Variants in ASIC2 observed in about 807,000 individuals in gnomAD.
ASIC2 encodes the protein acid-sensing ion channel 2.
Under a neutral mutation model 57.3 loss-of-function variants are expected in ASIC2, and 25 were observed. The observed-to-expected ratio is 0.44, with a 90% CI of 0.32 to 0.61. The LOEUF (loss-of-function observed/expected upper bound fraction) is 0.61. ASIC2 is among the 20% of genes least tolerant of loss of function. ASIC2 has a pLI of 0.06. For synonymous variants in ASIC2, 319 were observed against 307.5 expected (o/e 1.04, Z -0.39); for missense variants, 641 against 738.1 (o/e 0.87, Z 1.52).
chr17:33,536,956 G>A (rs978179577), intron 1 of ASIC2, among the ~76,000 whole-genome samples: 2 of 152,226 alleles, frequency 1.3e-5, no homozygotes, highest in East Asian at 1.9e-4. Context: ...AGGCTACAAT[G>A]AGCCATGATC....
chr17:33,291,743 T>C lies in ASIC2; in HGVS notation c.373A>G (p.Ser125Gly). Residue 125 changes from serine (S) to glycine (G), a missense_variant, in exon 1 of 10, where the codon AGC becomes GGC. This residue lies in a region of ASIC2 where 382 missense variants were observed against 398.0 expected (regional missense o/e 0.96). Coordinates refer to ENST00000225823, the MANE Select transcript of ASIC2 (RefSeq NM_183377.2). ...PSHTRVHREWSRQLPFPAVTV... is the reference protein window; with the variant it reads ...PSHTRVHREWGRQLPFPAVTV... ...ACGGCGGGGAAGGGTAACTGGCGGC[T>C]CCACTCGCGGTGCACCCGCGTGTGT... is the stretch of plus-strand genomic sequence containing the variant. 1 of 1,613,224 alleles carries C rather than the reference T, an allele frequency of 6.2e-7. No homozygotes were observed. Among genetic ancestry groups the C allele is most frequent in the Non-Finnish European group, 8.5e-7 (1 of 1,179,834 alleles).
intron 1 of ASIC2, among the ~76,000 whole-genome samples, chr17:33,713,318 G>T (rs2142077957): frequency 6.6e-6 from 1 of 152,296 alleles, no homozygotes; most frequent in South Asian, 2.1e-4. Context: ...GAGGCTAAAA[G>T]TCCAAAACTG....
chr17:33,182,034 A>G lies in ASIC2; in HGVS notation c.709-69967T>C, dbSNP rs2142059672. On this transcript the variant is annotated intron_variant, in intron 1 of 9. Transcript: ENST00000225823. ...GATATGGGACTTTGAGTGCAGATTG[A>G]CAGGATCTGCTTTGTTTTAAAAAGG... Among the ~76,000 whole-genome samples, 3 of 152,314 alleles carry G rather than the reference A, an allele frequency of 2.0e-5. No homozygotes were observed. In the South Asian group the frequency reaches 6.2e-4, roughly 32 times the overall value.
chr17:33,759,076 G>A (rs1307009948), intron 1 of ASIC2, among the ~76,000 whole-genome samples: 1 of 152,206 alleles, frequency 6.6e-6, no homozygotes, highest in Non-Finnish European at 1.5e-5. Flanking sequence ...ATAAGGGAAA[G>A]TTTGGAACTC....
chr17:33,581,037 A>G (rs1904419732), intron 1 of ASIC2: 1 of 152,236 alleles, frequency 6.6e-6, no homozygotes, highest in Non-Finnish European at 1.5e-5. Flanking sequence ...AATATGTTAC[A>G]TTTACAGCAA....
chr17:34,038,677 T>C, intron 1 of ASIC2: 1 of 1,592,496 alleles, frequency 6.3e-7, no homozygotes, highest in Non-Finnish European at 8.6e-7. Context: ...CCTGGATCTC[T>C]GCTTCCTCCT....
intron 1 of ASIC2, among the ~76,000 whole-genome samples, chr17:33,775,286 A>C (rs1231167800): frequency 1.3e-5 from 2 of 152,226 alleles, no homozygotes; most frequent in Non-Finnish European, 2.9e-5. Context: ...TTGCATGGCA[A>C]GTTCACTACA....
intron 1 of ASIC2, among the ~76,000 whole-genome samples, chr17:33,504,382 A>G (rs1273576098): frequency 6.6e-6 from 1 of 152,210 alleles, no homozygotes; most frequent in Non-Finnish European, 1.5e-5. Context: ...TCTGTTTCCC[A>G]GGCTGGAGTG....
intron 1 of ASIC2, among the ~76,000 whole-genome samples, chr17:33,779,247 T>TA (rs916588400): frequency 3.3e-5 from 5 of 151,990 alleles, no homozygotes; most frequent in African/African-American, 7.2e-5. Context: ...TGTTGTTCCT[T>TA]AAAAAAAAGA....
At chr17:33,410,158 C>T (rs1243100778) in intron 1 of ASIC2, among the ~76,000 whole-genome samples, 1 of 152,154 alleles carries the variant, frequency 6.6e-6, no homozygotes, top group South Asian at 2.1e-4. Flanking sequence ...ATCGCTGACT[C>T]TTCTAAGCCT....
intron 1 of ASIC2, among the ~76,000 whole-genome samples, chr17:33,578,437 C>T (rs768313012): frequency 1.6e-4 from 24 of 152,180 alleles, no homozygotes; most frequent in Non-Finnish European, 3.4e-4. Flanking sequence ...TTTACAGTAT[C>T]AGTCATTTAC....
chr17:33,504,148 C>T (rs187934928), intron 1 of ASIC2, among the ~76,000 whole-genome samples: 1 of 152,366 alleles, frequency 6.6e-6, no homozygotes, highest in African/African-American at 2.4e-5. Flanking sequence ...TTTCCAGTCC[C>T]TCTCCCTGTG....
At chr17:33,678,776 G>C (rs1453147112) in intron 1 of ASIC2, among the ~76,000 whole-genome samples, 1 of 152,164 alleles carries the variant, frequency 6.6e-6, no homozygotes, top group Admixed American at 6.5e-5. Context: ...GAGCAAATGA[G>C]AGTGCCCACA....
chr17:33,127,698 T>A (rs921419112), intron 1 of ASIC2, among the ~76,000 whole-genome samples: 1 of 152,210 alleles, frequency 6.6e-6, no homozygotes, highest in African/African-American at 2.4e-5. Flanking sequence ...CAGTCCTGCC[T>A]ACCTTCAGCC....
intron 1 of ASIC2, among the ~76,000 whole-genome samples, chr17:33,198,172 A>G (rs923367802): frequency 6.6e-6 from 1 of 152,196 alleles, no homozygotes; most frequent in African/African-American, 2.4e-5. Context: ...CAAAATGGTG[A>G]AACCCCATCT....
chr17:34,055,261 T>C (rs751723375), intron 1 of ASIC2, among the ~76,000 whole-genome samples: 1 of 152,146 alleles, frequency 6.6e-6, no homozygotes, highest in Non-Finnish European at 1.5e-5. Flanking sequence ...TTATGGAAAA[T>C]TTCCAACATT....
chr17:33,240,658 C>T (rs1183482370), intron 1 of ASIC2, among the ~76,000 whole-genome samples: 1 of 152,206 alleles, frequency 6.6e-6, no homozygotes, highest in Non-Finnish European at 1.5e-5. Context: ...AGGCTGTCAG[C>T]ATCCCTACCC....
intron 1 of ASIC2, among the ~76,000 whole-genome samples, chr17:33,640,612 T>A (rs1414902124): frequency 6.6e-6 from 1 of 152,232 alleles, no homozygotes; most frequent in Non-Finnish European, 1.5e-5. Flanking sequence ...TCTTATTCAG[T>A]TCTTACTGAA....
chr17:34,116,413 T>A (rs906996184), intron 1 of ASIC2, among the ~76,000 whole-genome samples: 1 of 152,180 alleles, frequency 6.6e-6, no homozygotes, highest in African/African-American at 2.4e-5. Context: ...CATGTGAGTC[T>A]CCATCCTCAT....
Sources: allele counts gnomAD v4.1 joint callset (sites outside exome capture counted in the v4.1 genomes callset), GRCh38; gene constraint gnomAD v4.1.1; regional missense constraint gnomAD v4.1.1; transcripts MANE v1.5; gene names NCBI Gene and HGNC (gene_info 2026-07-23, HGNC 2026-07-21).